Variants in INPP1 observed in about 807,000 individuals in gnomAD.
INPP1 encodes inositol polyphosphate 1-phosphatase.
A neutral mutation model predicts 23.0 loss-of-function variants in INPP1; 18 were observed. That is an observed-to-expected ratio of 0.78 (90% CI 0.54 to 1.16). The LOEUF (loss-of-function observed/expected upper bound fraction) is 1.16, where lower values mean the gene tolerates loss of function less well. Among genes scored for constraint, INPP1 ranks in the 50% most tolerant of loss-of-function variants. The pLI is 0.00. For synonymous variants in INPP1, 164 were observed against 176.3 expected, an observed-to-expected ratio of 0.93 and a Z score of 0.55; for missense variants, 448 against 482.1, an observed-to-expected ratio of 0.93 and a Z score of 0.66.
rs1689158552 is a variant in INPP1, at chr2:190,343,741, A to T, written c.-429A>T. 6.6e-6 allele frequency: 1 copy of T among 152,152 alleles called. No individual in the cohort carries two copies. Among genetic ancestry groups the T allele is most frequent in the East Asian group, 1.9e-4 (1 of 5,158 alleles). The allele number at this position is 152,152 out of a possible 1,614,324, so 9.4% of individuals were successfully genotyped here. A position where few individuals can be genotyped will look rare whatever the true frequency, so the allele number is the denominator to read the frequency against. On this transcript the variant is annotated 5_prime_UTR_variant, in exon 1 of 7. Transcript: ENST00000392329. ...GAGGCCAAGCTCGGATCCGGTGCCG[A>T]GCCAAGCGGGGCCGTGCGTCGCCGG...
chr2:190,349,612 G>A (rs1383076533), intron 2 of INPP1, among the ~76,000 whole-genome samples: 3 of 152,064 alleles, frequency 2.0e-5, no homozygotes, highest in Non-Finnish European at 4.4e-5. Context: ...TGATAGTTAA[G>A]ATAGTTACAT....
At position 190,367,755 on chromosome 2, in the gene INPP1, G is replaced by T. The variant is rs991161382; in HGVS notation, c.466+860G>T. 6.6e-6 allele frequency among the ~76,000 whole-genome samples: 1 copy of T among 151,998 alleles called. No homozygotes were observed. ...ATTTTTTATATTGTTTTTAGAGAAG[G>T]GGTTTTTACCATGTTTCCCAGGCTG... On this transcript the variant is annotated intron_variant, in intron 5 of 6. Transcript: ENST00000392329. The surrounding 1 kb of genome is among the most constrained non-coding windows in gnomAD (Gnocchi z 4.1).
At position 190,366,885 on chromosome 2, in the gene INPP1, G is replaced by A. The variant is rs767368064; in HGVS notation, c.456G>A (p.Val152=). 1.2e-6 allele frequency: 2 copies of A among 1,604,238 alleles called. No individual in the cohort carries two copies. The highest frequency in any genetic ancestry group is 2.2e-5 in the East Asian group (1 of 44,822). Reference sequence around the variant, plus strand: ...CACAGGACATTTTGGGAATTTGGGTGGACCCCATAGGTAAGTATAGGAAAG... The same window carrying A: ...CACAGGACATTTTGGGAATTTGGGTAGACCCCATAGGTAAGTATAGGAAAG... The part of the protein sequence containing the change: ...NVPQDILGIW[V]DPIDSTYQYI... The change falls in exon 5 of 7, where the codon GTG becomes GTA. Residue 152 remains valine (V), a synonymous_variant. Coordinates refer to ENST00000392329, the MANE Select transcript of INPP1 (RefSeq NM_001128928.2).
intron 6 of INPP1, among the ~76,000 whole-genome samples, chr2:190,370,074 C>A (rs1689771086): frequency 6.6e-6 from 1 of 152,178 alleles, no homozygotes; most frequent in African/African-American, 2.4e-5. Flanking sequence ...TTTCTGCTAT[C>A]TTTAAAAGGT....
At position 190,368,374 on chromosome 2, in the gene INPP1, T is replaced by G. The variant is rs935792037; in HGVS notation, c.467-729T>G. Among the ~76,000 whole-genome samples the G allele has an allele frequency of 1.3e-5, 2 of 152,246 alleles. No individual in the cohort carries two copies. Among genetic ancestry groups the G allele is most frequent in the East Asian group, 1.9e-4 (1 of 5,202 alleles). On this transcript the variant is annotated intron_variant, in intron 5 of 6. Coordinates refer to ENST00000392329, the MANE Select transcript of INPP1 (RefSeq NM_001128928.2). This position sits in a 1 kb window ranked among gnomAD's most constrained non-coding sequence, Gnocchi z 4.3. ...TTTCTTTTTTTGGTGCCACCATCATTGTCTCTTTCTTCCTTCTAACTTGAG... is the reference window on the plus strand; with the variant it reads ...TTTCTTTTTTTGGTGCCACCATCATGGTCTCTTTCTTCCTTCTAACTTGAG...
intron 6 of INPP1, among the ~76,000 whole-genome samples, chr2:190,370,490 A>G (rs1689778780): frequency 6.6e-6 from 1 of 152,208 alleles, no homozygotes; most frequent in Admixed American, 6.5e-5. Context: ...AAGAGATATC[A>G]CTTTTCTATT....
At position 190,362,627 on chromosome 2, in the gene INPP1, T is replaced by C. The variant is rs764765970; in HGVS notation, c.205T>C (p.Phe69Leu). The change falls in exon 4 of 7, where the codon TTT (phenylalanine) becomes CTT (leucine). Residue 69 changes from phenylalanine (F) to leucine (L), a missense_variant and splice_region_variant. By Grantham distance (22) the Phe-to-Leu change is conservative (BLOSUM62 0). Transcript: ENST00000392329. ...TTTCGTCATACTCTGAATCATTCAG[T>C]TTCCAGGCTTGGAAAAAAATATTTT... The part of the protein sequence containing the change: ...EVIKQNMENK[F>L]PGLEKNIFGE... 15 of 1,605,306 alleles carry C rather than the reference T, an allele frequency of 9.3e-6. No homozygotes were observed. Among genetic ancestry groups the C allele is most frequent in the African/African-American group, 1.3e-5 (1 of 74,656 alleles).
Position 190,350,001 on chromosome 2 carries a change from C to T in INPP1, c.-65+970C>T, listed in dbSNP as rs568560626. 2.9e-4 allele frequency among the ~76,000 whole-genome samples: 44 copies of T among 152,258 alleles called. No homozygotes were observed. The South Asian group carries it at 4.6e-3, about 16-fold the overall frequency. On this transcript the variant is annotated intron_variant, in intron 2 of 6. Transcript: ENST00000392329. Reference sequence around the variant, plus strand: ...TTGGGATTACAGGCATGCGCCACCACGCCTGGCTAATTTTTGTATTTTTAG... The same window carrying T: ...TTGGGATTACAGGCATGCGCCACCATGCCTGGCTAATTTTTGTATTTTTAG...
Position 190,371,112 on chromosome 2 carries a change from AT to A in INPP1, c.913del (p.Tyr305ThrfsTer20). On this transcript the variant is annotated frameshift_variant, in exon 7 of 7. Transcript: ENST00000392329. LOFTEE classifies it low-confidence loss of function (END_TRUNC). This position sits in a 1 kb window ranked among gnomAD's most constrained non-coding sequence, Gnocchi z 5.3. ...ATGTGTTGTCCAAGGCCTCGTTGAC[AT>A]TTACATCTTTTCAGAAGATACCACA... Reference protein sequence around the residue: ...SLCVVQGLVDIYIFSEDTTFK... With the variant: ...SLCVVQGLVDXYIFSEDTTFK... The A allele has an allele frequency of 6.2e-7, 1 of 1,614,210 alleles. No homozygotes were observed. Among genetic ancestry groups the A allele is most frequent in the Middle Eastern group, 1.6e-4 (1 of 6,062 alleles).
chr2:190,369,092 T>C lies in INPP1; in HGVS notation c.467-11T>C. ...TTACCTGAATCCAAACACATTTGTT[T>C]CCTTTTTCAGATTCAACTTATCAGT... On this transcript the variant is annotated splice_polypyrimidine_tract_variant and intron_variant, in intron 5 of 6. Transcript: ENST00000392329. The C allele has an allele frequency of 6.5e-7, 1 of 1,530,578 alleles. No homozygotes were observed. Among genetic ancestry groups the C allele is most frequent in the African/African-American group, 1.4e-5 (1 of 73,048 alleles). 94.8% of individuals were successfully genotyped at this position (1,530,578 alleles called of 1,614,324 possible).
In INPP1 at chr2:190,363,711, A is replaced by G. The variant is rs913348374; in HGVS notation, c.265+1024A>G. Among the ~76,000 whole-genome samples, 1 of 152,228 alleles carries G rather than the reference A, an allele frequency of 6.6e-6. No homozygotes were observed. The highest frequency in any genetic ancestry group is 1.9e-4 in the East Asian group (1 of 5,198). On this transcript the variant is annotated intron_variant, in intron 4 of 6. Transcript: ENST00000392329. This position sits in a 1 kb window ranked among gnomAD's most constrained non-coding sequence, Gnocchi z 4.4. ...TAGTAATACGGGAAAGAAATCTTTT[A>G]AACCTCTGAAGGTTAAAAATAACAC...
In INPP1 at chr2:190,355,517, G is replaced by A. The variant is rs1689404928; in HGVS notation, c.-64-4522G>A. 6.6e-6 allele frequency among the ~76,000 whole-genome samples: 1 copy of A among 152,090 alleles called. No individual in the cohort carries two copies. Among genetic ancestry groups the A allele is most frequent in the African/African-American group, 2.4e-5 (1 of 41,398 alleles). On this transcript the variant is annotated intron_variant, in intron 2 of 6. Coordinates refer to ENST00000392329, the MANE Select transcript of INPP1 (RefSeq NM_001128928.2). The surrounding 1 kb of genome is among the most constrained non-coding windows in gnomAD (Gnocchi z 5.1). Reference sequence around the variant, plus strand: ...TGCTGACAAAAATACAGATTCCTAGGGCTTGTCTCCAGAGATTCTGATTCA... The same window carrying A: ...TGCTGACAAAAATACAGATTCCTAGAGCTTGTCTCCAGAGATTCTGATTCA...
Position 190,363,508 on chromosome 2 carries a change from AG to A in INPP1, c.265+822del, listed in dbSNP as rs1277263900. ...TTTCAGAGAAACAATTTTTTTTTTT[AG>A]TTTGTTTGGATTTAATAGTAGAAGA... On this transcript the variant is annotated intron_variant, in intron 4 of 6. Transcript: ENST00000392329. This position sits in a 1 kb window ranked among gnomAD's most constrained non-coding sequence, Gnocchi z 4.4. 1.6e-4 allele frequency among the ~76,000 whole-genome samples: 24 copies of A among 151,406 alleles called. No individual in the cohort carries two copies. Among genetic ancestry groups the A allele is most frequent in the African/African-American group, 5.6e-4 (23 of 41,318 alleles).
intron 2 of INPP1, among the ~76,000 whole-genome samples, chr2:190,358,273 C>G (rs992820505): frequency 6.6e-6 from 1 of 151,938 alleles, no homozygotes; most frequent in Non-Finnish European, 1.5e-5. Context: ...AGTAGAGATT[C>G]ACCATGTTGG....
rs1689226579 is a variant in INPP1 at position 190,346,885 on chromosome 2, G to A, written c.-208-2003G>A. 6.6e-6 allele frequency among the ~76,000 whole-genome samples: 1 copy of A among 151,880 alleles called. No individual in the cohort carries two copies. The highest frequency in any genetic ancestry group is 1.5e-5 in the Non-Finnish European group (1 of 68,008). ...CTCCCAAAATGCTGGGACTACAGGT[G>A]TGAGCTGCTGCACCCAGCCTAATTT... On this transcript the variant is annotated intron_variant, in intron 1 of 6. Transcript: ENST00000392329. The surrounding 1 kb of genome is among the most constrained non-coding windows in gnomAD (Gnocchi z 5.1).
intron 1 of INPP1, among the ~76,000 whole-genome samples, chr2:190,348,100 T>C (rs1464529637): frequency 6.6e-6 from 1 of 152,238 alleles, no homozygotes; most frequent in Non-Finnish European, 1.5e-5. Flanking sequence ...ATCGTGCCAC[T>C]GCACTGCAGC....
In INPP1 at chr2:190,371,453, C is replaced by G; in HGVS notation, c.*51C>G. On this transcript the variant is annotated 3_prime_UTR_variant, in exon 7 of 7. Coordinates refer to ENST00000392329, the MANE Select transcript of INPP1 (RefSeq NM_001128928.2). This position sits in a 1 kb window ranked among gnomAD's most constrained non-coding sequence, Gnocchi z 5.3. ...TATAAACTGAACTGTGAAACTGTTT[C>G]GGTTATCTCTGTCTTTTGAGGATGG... The G allele has an allele frequency of 7.3e-7, 1 of 1,377,002 alleles. No individual in the cohort carries two copies. Among genetic ancestry groups the G allele is most frequent in the Non-Finnish European group, 9.7e-7 (1 of 1,029,944 alleles). The allele number at this position is 1,377,002 out of a possible 1,614,324, so 85.3% of individuals were successfully genotyped here.
intron 6 of INPP1, among the ~76,000 whole-genome samples, chr2:190,369,855 T>TC (rs1689766121): frequency 6.6e-6 from 1 of 152,188 alleles, no homozygotes; most frequent in Non-Finnish European, 1.5e-5. Flanking sequence ...TGGGGTTGAC[T>TC]CCAGGGCATG....
chr2:190,362,839 G>A, intron 4 of INPP1, 152 bp downstream of exon 4: 1 of 458,230 alleles, frequency 2.2e-6, no homozygotes, highest in Non-Finnish European at 3.9e-6. Context: ...TTCTACCTCA[G>A]AATATCATGC....
Sources: allele counts gnomAD v4.1 joint callset (sites outside exome capture counted in the v4.1 genomes callset), GRCh38; gene constraint gnomAD v4.1.1; non-coding constraint Gnocchi (gnomAD v3.1); transcripts MANE v1.5; gene names NCBI Gene and HGNC (gene_info 2026-07-23, HGNC 2026-07-21).